The following SPECC1L variants were observed in gnomAD, a reference collection of about 807,000 sequenced individuals.
SPECC1L encodes the protein cytospin-A.
SPECC1L carries 40 observed loss-of-function variants against 116.8 expected under a neutral mutation model. The ratio of observed to expected loss-of-function variants is 0.34; its 90% confidence interval spans 0.27 to 0.45. The LOEUF is 0.45. Ranked by LOEUF, SPECC1L falls within the 20% of genes least tolerant of loss-of-function variation. The probability of loss-of-function intolerance (pLI) is 1.00; values close to 1 mark genes in which losing one functional copy is unlikely to be tolerated. For synonymous variants in SPECC1L, 504 were observed against 500.6 expected (o/e 1.01, Z -0.09); for missense variants, 1,110 against 1,373.6 (o/e 0.81, Z 3.03).
At chr22:24,364,455 G>A (rs780221037) in intron 12 of SPECC1L, among the ~76,000 whole-genome samples, 6 of 152,024 alleles carry the variant, frequency 3.9e-5, no homozygotes, top group Non-Finnish European at 5.9e-5. Flanking sequence ...CTGAGGTCAG[G>A]AGTTCGAGAC....
chr22:24,334,794 G>A (rs899646215), intron 9 of SPECC1L, among the ~76,000 whole-genome samples: 7 of 152,214 alleles, frequency 4.6e-5, no homozygotes, highest in Non-Finnish European at 8.8e-5. Context: ...TGAATCCCAT[G>A]CAGAGATGTG....
rs542672184 is a variant in SPECC1L at position 24,324,139 on chromosome 22, A to C, written c.1939-81A>C. The stretch of plus-strand genomic sequence containing the variant: ...GTGCCTCATACTTAGCTCCCCTTGG[A>C]AACTGTGTGTACCTCAATTCTGGAA... On this transcript the variant is annotated intron_variant, in intron 5 of 16. Coordinates refer to ENST00000314328, the MANE Select transcript of SPECC1L (RefSeq NM_015330.6). 4.2e-5 allele frequency: 49 copies of C among 1,174,746 alleles called. No homozygotes were observed. In the South Asian group the frequency reaches 5.9e-4, roughly 14 times the overall value. The allele number at this position is 1,174,746 out of a possible 1,614,324, so 72.8% of individuals were successfully genotyped here. A position where few individuals can be genotyped will look rare whatever the true frequency, so the allele number is the denominator to read the frequency against.
At chr22:24,394,174 A>C (rs564067198) in intron 14 of SPECC1L, among the ~76,000 whole-genome samples, 16 of 152,132 alleles carry the variant, frequency 1.1e-4, no homozygotes, top group African/African-American at 3.6e-4. Context: ...ATGGTGTCTT[A>C]GTCAGTTTGG....
intron 4 of SPECC1L, 32 bp from the exon 5 acceptor site, chr22:24,321,256 T>A: frequency 6.2e-7 from 1 of 1,611,042 alleles, no homozygotes; most frequent in East Asian, 2.2e-5. Context: ...TGCTGACATT[T>A]TTGCCTTACA....
chr22:24,366,200 C>CT (rs67221593), intron 13 of SPECC1L, among the ~76,000 whole-genome samples: 17 of 148,150 alleles, frequency 1.1e-4, no homozygotes, highest in Middle Eastern at 3.5e-3. Flanking sequence ...TGGAACTTTT[C>CT]TTTTTTTTTT....
intron 3 of SPECC1L, among the ~76,000 whole-genome samples, chr22:24,307,317 T>C (rs1216563756): frequency 6.6e-6 from 1 of 152,268 alleles, no homozygotes; most frequent in African/African-American, 2.4e-5. Flanking sequence ...TTATTTTGTT[T>C]TTTGATAGTA....
At chr22:24,348,923 C>G (rs2041359585) in intron 11 of SPECC1L, among the ~76,000 whole-genome samples, 7 of 152,218 alleles carry the variant, frequency 4.6e-5, no homozygotes, top group Admixed American at 4.6e-4. Context: ...CAGCATTTGG[C>G]ACTGTTGAGC....
At position 24,361,362 on chromosome 22, in the gene SPECC1L, C is replaced by T. The variant is rs138030024; in HGVS notation, c.2744-1899C>T. ...CAAGATCACACCACTGCACTCTAGC[C>T]TGGGCAACAGAGCAAGGTCCTGTCT... On this transcript the variant is annotated intron_variant, in intron 11 of 16. Transcript: ENST00000314328. Among the ~76,000 whole-genome samples the T allele has an allele frequency of 7.4e-3, 1,122 of 152,030 alleles. 5 individuals are homozygous for T. Among genetic ancestry groups the T allele is most frequent in the South Asian group, 0.013 (61 of 4,810 alleles).
intron 10 of SPECC1L, among the ~76,000 whole-genome samples, chr22:24,341,159 C>G (rs543886948): frequency 6.6e-6 from 1 of 152,032 alleles, no homozygotes; most frequent in Non-Finnish European, 1.5e-5. Flanking sequence ...GGCGACTGCT[C>G]GAATTTGCAG....
At chr22:24,340,898 G>T (rs2041164542) in intron 10 of SPECC1L, among the ~76,000 whole-genome samples, 1 of 151,970 alleles carries the variant, frequency 6.6e-6, no homozygotes, top group Non-Finnish European at 1.5e-5. Context: ...GTAACAGGCT[G>T]GATTATTCTG....
intron 14 of SPECC1L, among the ~76,000 whole-genome samples, chr22:24,405,233 T>C (rs1448103793): frequency 6.6e-6 from 1 of 152,122 alleles, no homozygotes; most frequent in Non-Finnish European, 1.5e-5. Context: ...TAGTTTGTTA[T>C]CTGAGTTCCT....
chr22:24,379,859 C>T lies in SPECC1L; in HGVS notation c.3087+10539C>T, dbSNP rs536875578. 9.2e-5 allele frequency among the ~76,000 whole-genome samples: 14 copies of T among 152,210 alleles called. No individual in the cohort carries two copies. In the South Asian group the frequency reaches 2.7e-3, roughly 29 times the overall value. ...AGTTAACATTGGACAGCCTGAAATG[C>T]ATAATCTTTTGTTTTTGTTTTTGAG... is the stretch of plus-strand genomic sequence containing the variant. On this transcript the variant is annotated intron_variant, in intron 14 of 16. Transcript: ENST00000314328.
At chr22:24,361,515 G>T (rs2041643047) in intron 11 of SPECC1L, among the ~76,000 whole-genome samples, 1 of 152,210 alleles carries the variant, frequency 6.6e-6, no homozygotes, top group Non-Finnish European at 1.5e-5. Flanking sequence ...AGCCTGGTGT[G>T]GTGGCAGGCA....
intron 14 of SPECC1L, among the ~76,000 whole-genome samples, chr22:24,408,217 G>A (rs2042628425): frequency 6.6e-6 from 1 of 152,226 alleles, no homozygotes; most frequent in Non-Finnish European, 1.5e-5. Context: ...AGATCAAAGA[G>A]ATGAGATTGC....
intron 14 of SPECC1L, among the ~76,000 whole-genome samples, chr22:24,378,455 A>G (rs2042008151): frequency 6.6e-6 from 1 of 152,240 alleles, no homozygotes; most frequent in Admixed American, 6.5e-5. Flanking sequence ...ATTTCCTTCA[A>G]GAACTTTTCC....
At chr22:24,357,491 G>A (rs2041555415) in intron 11 of SPECC1L, among the ~76,000 whole-genome samples, 1 of 152,198 alleles carries the variant, frequency 6.6e-6, no homozygotes, top group Non-Finnish European at 1.5e-5. Context: ...ATTACTTTGT[G>A]TTCTGGTGTA....
chr22:24,341,529 G>C (rs540337647), intron 10 of SPECC1L, among the ~76,000 whole-genome samples: 20 of 152,222 alleles, frequency 1.3e-4, no homozygotes, highest in African/African-American at 4.8e-4. Flanking sequence ...TAGATCTGCC[G>C]TAAAAGATCT....
In SPECC1L at chr22:24,414,746, T is replaced by G. The variant is rs2042771352; in HGVS notation, c.*123T>G. 1.2e-6 allele frequency: 1 copy of G among 818,708 alleles called. No homozygotes were observed. The highest frequency in any genetic ancestry group is 2.0e-5 in the Admixed American group (1 of 49,706). The allele number at this position is 818,708 out of a possible 1,614,324, so 50.7% of individuals were successfully genotyped here. ...CAACTCTGGGCTGCCCCACAGCGTG[T>G]GAGCCTCCAGCTCGGGGCTTCCGTA... On this transcript the variant is annotated 3_prime_UTR_variant, in exon 17 of 17. Coordinates refer to ENST00000314328, the MANE Select transcript of SPECC1L (RefSeq NM_015330.6).
intron 15 of SPECC1L, 59 bp downstream of exon 15, chr22:24,411,763 C>G: frequency 1.4e-6 from 2 of 1,380,522 alleles, no homozygotes; most frequent in Non-Finnish European, 2.1e-6. Context: ...GGCTGAGAAC[C>G]AAGGGCAGCA....
Sources: allele counts gnomAD v4.1 joint callset (sites outside exome capture counted in the v4.1 genomes callset), GRCh38; gene constraint gnomAD v4.1.1; transcripts MANE v1.5; gene names NCBI Gene and HGNC (gene_info 2026-07-23, HGNC 2026-07-21).